The following HERC1 variants were observed in gnomAD, a reference collection of about 807,000 sequenced individuals.
The protein encoded by HERC1 is HECT and RLD domain containing E3 ubiquitin protein ligase family member 1, also known as probable E3 ubiquitin-protein ligase HERC1.
In HERC1, 160 loss-of-function variants were observed where a neutral mutation model predicts 554.3. The ratio of observed to expected loss-of-function variants is 0.29; its 90% CI spans 0.25 to 0.33. The LOEUF is 0.33. HERC1 is among the 10% of genes least tolerant of loss of function. HERC1 has a pLI of 1.00. For missense variants in HERC1, 4,919 were observed against 5,918.5 expected, an observed-to-expected ratio of 0.83 and a Z score of 5.54; for synonymous variants, 2,175 against 2,131.7, an observed-to-expected ratio of 1.02 and a Z score of -0.56.
chr15:63,804,473 C>A (rs961544787), intron 1 of HERC1, among the ~76,000 whole-genome samples: 16 of 151,876 alleles, frequency 1.1e-4, no homozygotes, highest in African/African-American at 3.9e-4. Flanking sequence ...GTCATTCCAG[C>A]TACTTGGGAG....
chr15:63,759,192 A>C (rs2075528036), intron 3 of HERC1, among the ~76,000 whole-genome samples: 1 of 152,234 alleles, frequency 6.6e-6, no homozygotes. Context: ...TTCTTGAAAC[A>C]TACTATACCA....
intron 47 of HERC1, among the ~76,000 whole-genome samples, chr15:63,659,229 T>A (rs1206906704): frequency 6.8e-6 from 1 of 147,152 alleles, no homozygotes; most frequent in African/African-American, 2.5e-5. Context: ...TTCGGTATCA[T>A]GAAAGACAAA....
chr15:63,635,484 T>C (rs1386858267), intron 65 of HERC1, among the ~76,000 whole-genome samples: 5 of 152,232 alleles, frequency 3.3e-5, no homozygotes, highest in African/African-American at 1.2e-4. Context: ...ACACATGACC[T>C]AGACTAAATG....
rs1160342489 is a variant in HERC1 at position 63,737,495 on chromosome 15, C to CAT, written c.2521-2648_2521-2647dup. Among the ~76,000 whole-genome samples the CAT allele has an allele frequency of 3.1e-4, 15 of 48,708 alleles. 2 individuals are homozygous for CAT. Among genetic ancestry groups the CAT allele is most frequent in the African/African-American group, 9.6e-4 (14 of 14,526 alleles). The allele number at this position is 48,708 out of a possible 152,430, so 32.0% of individuals were successfully genotyped here. ...TCTTTTTTCCAGATATATATATATA[C>CAT]ATATATATATCTTTTTTCCAGATAT... On this transcript the variant is annotated intron_variant, in intron 12 of 77. Transcript: ENST00000443617.
chr15:63,659,676 T>A (rs1305839767), intron 47 of HERC1, 60 bp downstream of exon 47: 2 of 1,158,228 alleles, frequency 1.7e-6, no homozygotes, highest in African/African-American at 1.5e-5. Flanking sequence ...TATTTACCTA[T>A]CTAAGAAACA....
At position 63,654,320 on chromosome 15, in the gene HERC1, A is replaced by G; in HGVS notation, c.10089T>C (p.Pro3363=). Residue 3363 remains proline, a synonymous_variant, in exon 51 of 78, where the codon CCT becomes CCC. Transcript: ENST00000443617. ...CTGCCAGGGCATTAGCCAACTCCAG[A>G]GGGCCTACAGCAGAAGGATCATAGG... ...YDKSEVEKKG[P]LELANALAAC... is the part of the protein sequence containing the mutation. 1 of 1,611,860 alleles carries G rather than the reference A, an allele frequency of 6.2e-7. No homozygotes were observed. Among genetic ancestry groups the G allele is most frequent in the Non-Finnish European group, 8.5e-7 (1 of 1,178,614 alleles).
At chr15:63,770,942 A>T (rs2075933841) in intron 2 of HERC1, among the ~76,000 whole-genome samples, 1 of 152,210 alleles carries the variant, frequency 6.6e-6, no homozygotes, top group South Asian at 2.1e-4. Flanking sequence ...TAATCCCAGC[A>T]CTGTGGGAGG....
intron 12 of HERC1, among the ~76,000 whole-genome samples, chr15:63,736,709 A>T (rs1196846914): frequency 6.6e-6 from 1 of 152,044 alleles, no homozygotes; most frequent in African/African-American, 2.4e-5. Context: ...CTGGGGTTCA[A>T]GCGATTTTCC....
chr15:63,630,389 C>A, intron 69 of HERC1, 77 bp downstream of exon 69: 1 of 1,414,632 alleles, frequency 7.1e-7, no homozygotes. Flanking sequence ...AATTTCCTAG[C>A]TTATCTCTTT....
intron 63 of HERC1, among the ~76,000 whole-genome samples, chr15:63,637,922 G>C (rs921884636): frequency 6.6e-6 from 1 of 152,314 alleles, no homozygotes; most frequent in East Asian, 1.9e-4. Context: ...AAACATTAAA[G>C]ACTGGGCTAG....
chr15:63,729,399 C>A, intron 15 of HERC1, 31 bp from the exon 16 acceptor site: 1 of 1,593,358 alleles, frequency 6.3e-7, no homozygotes, highest in Non-Finnish European at 8.5e-7. Context: ...TAAATTACTA[C>A]TTTGAAAGAT....
intron 1 of HERC1, among the ~76,000 whole-genome samples, chr15:63,805,396 A>G (rs2077107034): frequency 6.6e-6 from 1 of 152,224 alleles, no homozygotes; most frequent in Non-Finnish European, 1.5e-5. Flanking sequence ...CAAAGACTAC[A>G]TAACTATGGT....
At chr15:63,723,131 G>T in intron 19 of HERC1, 51 bp downstream of exon 19, 1 of 1,172,492 alleles carries the variant, frequency 8.5e-7, no homozygotes, top group Non-Finnish European at 1.1e-6. Flanking sequence ...ATATATTTGC[G>T]AGCATTATGA....
At chr15:63,765,769 AAAGC>A (rs1159837629) in intron 2 of HERC1, among the ~76,000 whole-genome samples, 2 of 152,180 alleles carry the variant, frequency 1.3e-5, no homozygotes, top group Non-Finnish European at 2.9e-5. Context: ...AAAATGTATA[AAAGC>A]AAGCTGTACC....
chr15:63,641,425 G>C (rs1475204885), intron 60 of HERC1, 45 bp downstream of exon 60: 5 of 1,504,624 alleles, frequency 3.3e-6, no homozygotes, highest in African/African-American at 2.8e-5. Context: ...ACATTCCAAA[G>C]CACCAGGTAT....
At chr15:63,830,855 G>A (rs1383378238) in intron 1 of HERC1, among the ~76,000 whole-genome samples, 1 of 152,080 alleles carries the variant, frequency 6.6e-6, no homozygotes, top group Non-Finnish European at 1.5e-5. Context: ...GGCAACATCA[G>A]AACAAACTAA....
chr15:63,669,448 T>C (rs1236719078), intron 40 of HERC1, 90 bp downstream of exon 40: 4 of 1,232,098 alleles, frequency 3.2e-6, no homozygotes, highest in Non-Finnish European at 4.7e-6. Flanking sequence ...TTTTACCTTC[T>C]GTGAAGACAA....
At chr15:63,615,948 A>G in intron 75 of HERC1, 28 bp from the exon 76 acceptor site, 1 of 1,544,786 alleles carries the variant, frequency 6.5e-7, no homozygotes, top group Non-Finnish European at 8.7e-7. Flanking sequence ...CAGAATTTTT[A>G]TTACATGGTA....
At position 63,674,868 on chromosome 15, in the gene HERC1, C is replaced by T; in HGVS notation, c.7320G>A (p.Met2440Ile). ...QKPESESALD[M>I]RTGLTSDDVK... Reference sequence around the variant, plus strand: ...CGTCATCAGATGTTAGGCCTGTTCGCATATCTAAAGCGGATTCACTCTCAG... The same window carrying T: ...CGTCATCAGATGTTAGGCCTGTTCGTATATCTAAAGCGGATTCACTCTCAG... Residue 2440 changes from methionine to isoleucine, a missense_variant, in exon 38 of 78, where the codon ATG becomes ATA. This residue lies in a region of HERC1 where 1,963 missense variants were observed against 2,228.6 expected (regional missense o/e 0.88). Coordinates refer to ENST00000443617, the MANE Select transcript of HERC1 (RefSeq NM_003922.4). The T allele has an allele frequency of 1.2e-6, 2 of 1,613,738 alleles. No individual in the cohort carries two copies. Among genetic ancestry groups the T allele is most frequent in the Non-Finnish European group, 1.7e-6 (2 of 1,179,684 alleles).
Sources: allele counts gnomAD v4.1 joint callset (sites outside exome capture counted in the v4.1 genomes callset), GRCh38; gene constraint gnomAD v4.1.1; regional missense constraint gnomAD v4.1.1; transcripts MANE v1.5; gene names NCBI Gene and HGNC (gene_info 2026-07-23, HGNC 2026-07-21).